The following TUSC3 variants were observed in gnomAD, a reference collection of about 807,000 sequenced individuals.
The protein encoded by TUSC3 is dolichyl-diphosphooligosaccharide--protein glycosyltransferase subunit TUSC3.
Under a neutral mutation model 44.8 loss-of-function variants are expected in TUSC3, and 45 were observed. That is an observed-to-expected ratio of 1.00 (90% CI 0.79 to 1.29). The LOEUF (loss-of-function observed/expected upper bound fraction) is 1.29. Ranked by LOEUF, TUSC3 falls within the 50% of genes most tolerant of loss-of-function variation. TUSC3 has a pLI of 0.00. For synonymous variants in TUSC3, 212 were observed against 152.9 expected, an observed-to-expected ratio of 1.39 and a Z score of -2.85; for missense variants, 519 against 437.9, an observed-to-expected ratio of 1.19 and a Z score of -1.65.
Position 15,623,215 on chromosome 8 carries a change from G to T in TUSC3, c.274G>T (p.Ala92Ser). The change falls in exon 2 of 11, where the codon GCT becomes TCT. Residue 92 changes from alanine (A) to serine (S), a missense_variant. Ala to Ser is a moderately conservative substitution (Grantham distance 99). Coordinates refer to ENST00000503731, the MANE Select transcript of TUSC3 (RefSeq NM_006765.4). ...RNYSMIVMFT[A>S]LQPQRQCSVC... ...CTATTCCATGATTGTTATGTTCACT[G>T]CTCTTCAGCCTCAGCGGCAGTGTTC... 1 of 1,611,616 alleles carries T rather than the reference G, an allele frequency of 6.2e-7. No individual in the cohort carries two copies. Among genetic ancestry groups the T allele is most frequent in the Non-Finnish European group, 8.5e-7 (1 of 1,178,846 alleles).
chr8:15,775,316 G>A, the TUSC3 span, among the ~76,000 whole-genome samples: 26 of 152,156 alleles, frequency 1.7e-4, no homozygotes, highest in Middle Eastern at 3.4e-3. Flanking sequence ...GGTAGGATGG[G>A]GAGTGACTAT....
chr8:15,652,876 G>C (rs1467027352), intron 3 of TUSC3, among the ~76,000 whole-genome samples: 1 of 152,022 alleles, frequency 6.6e-6, no homozygotes, highest in East Asian at 1.9e-4. Context: ...CAGGGAGTTG[G>C]GTTAGTTTAG....
chr8:15,598,752 A>C (rs546472107), intron 1 of TUSC3, among the ~76,000 whole-genome samples: 9 of 151,586 alleles, frequency 5.9e-5, no homozygotes, highest in African/African-American at 1.9e-4. Context: ...AGTTTTCTCT[A>C]TGTTTTTTCA....
the TUSC3 span, among the ~76,000 whole-genome samples, chr8:15,828,493 T>C: frequency 6.6e-6 from 1 of 152,200 alleles, no homozygotes; most frequent in South Asian, 2.1e-4. Context: ...ACAACTTCTC[T>C]AGTAGTTGAA....
intron 1 of TUSC3, among the ~76,000 whole-genome samples, chr8:15,600,685 G>A (rs1324003500): frequency 1.3e-5 from 2 of 151,632 alleles, no homozygotes; most frequent in African/African-American, 4.8e-5. Context: ...ATGAGGTACT[G>A]TTTTGCCATG....
intron 3 of TUSC3, among the ~76,000 whole-genome samples, chr8:15,658,849 C>G (rs1008461332): frequency 1.3e-5 from 2 of 151,844 alleles, no homozygotes; most frequent in Non-Finnish European, 2.9e-5. Flanking sequence ...TGGAAATTAC[C>G]TGTAGAAAAT....
intron 7 of TUSC3, 114 bp downstream of exon 7, chr8:15,730,843 G>A: frequency 1.0e-6 from 1 of 1,002,604 alleles, no homozygotes; most frequent in Non-Finnish European, 1.5e-6. Flanking sequence ...TTAAATTTTA[G>A]GCTGTACTAT....
the TUSC3 span, among the ~76,000 whole-genome samples, chr8:15,824,509 C>CA: frequency 6.9e-6 from 1 of 144,230 alleles, no homozygotes; most frequent in Non-Finnish European, 1.5e-5. Context: ...ATCGCAAGGA[C>CA]AAAAAACCAA....
intron 5 of TUSC3, among the ~76,000 whole-genome samples, chr8:15,664,935 G>C (rs116980073): frequency 0.014 from 2,043 of 151,092 alleles, 23 homozygotes; most frequent in Non-Finnish European, 0.023. Flanking sequence ...CACCAAACTT[G>C]ATTGTTGCTT....
chr8:15,728,063 T>A (rs368279886), intron 6 of TUSC3, among the ~76,000 whole-genome samples: 1 of 152,200 alleles, frequency 6.6e-6, no homozygotes, highest in East Asian at 1.9e-4. Context: ...AAAGTGTGAT[T>A]TATTTTAACC....
chr8:15,608,391 T>C (rs895878175), intron 1 of TUSC3, among the ~76,000 whole-genome samples: 2 of 152,160 alleles, frequency 1.3e-5, no homozygotes, highest in Non-Finnish European at 2.9e-5. Context: ...TAGGGATAAA[T>C]TGAACAATAG....
At chr8:15,823,843 A>C in the TUSC3 span, among the ~76,000 whole-genome samples, 2 of 152,192 alleles carry the variant, frequency 1.3e-5, no homozygotes, top group African/African-American at 4.8e-5. Context: ...AGCAGTAAAT[A>C]ACAAGAATTT....
At chr8:15,444,635 C>A (rs1800066908) in intron 1 of TUSC3, among the ~76,000 whole-genome samples, 1 of 152,006 alleles carries the variant, frequency 6.6e-6, no homozygotes, top group African/African-American at 2.4e-5. Flanking sequence ...CACAGAAGCC[C>A]CAAATCAGAG....
chr8:15,767,883 C>T (rs1585319300), downstream of TUSC3, among the ~76,000 whole-genome samples: 1 of 152,212 alleles, frequency 6.6e-6, no homozygotes, highest in East Asian at 1.9e-4. Flanking sequence ...GAAGGAAAAG[C>T]TGGATAGTGA....
At position 15,589,021 on chromosome 8, in the gene TUSC3, T is replaced by C. The variant is rs553398175; in HGVS notation, c.139-34059T>C. 3.3e-5 allele frequency among the ~76,000 whole-genome samples: 5 copies of C among 152,294 alleles called. No individual in the cohort carries two copies. The East Asian group carries it at 9.6e-4, about 29-fold the overall frequency. ...CCAGCTTTGTTCTTTTTGCTTAGGATTGTTTTGGTTATTCGGAGTGCAGTT... is the reference window on the plus strand; with the variant it reads ...CCAGCTTTGTTCTTTTTGCTTAGGACTGTTTTGGTTATTCGGAGTGCAGTT... On this transcript the variant is annotated intron_variant, in intron 1 of 10. Transcript: ENST00000503731.
chr8:15,826,967 G>C, the TUSC3 span, among the ~76,000 whole-genome samples: 1 of 152,166 alleles, frequency 6.6e-6, no homozygotes, highest in African/African-American at 2.4e-5. Flanking sequence ...GACTGAATTT[G>C]ATTGCTGCAG....
intron 1 of TUSC3, among the ~76,000 whole-genome samples, chr8:15,480,360 T>A (rs1431405953): frequency 1.3e-5 from 2 of 152,144 alleles, no homozygotes; most frequent in Non-Finnish European, 2.9e-5. Context: ...CCATAAACAT[T>A]TTCATGAACA....
chr8:15,509,552 G>C (rs1235293926), intron 2 of TUSC3, among the ~76,000 whole-genome samples: 2 of 152,048 alleles, frequency 1.3e-5, no homozygotes, highest in Non-Finnish European at 2.9e-5. Context: ...AGGTTGCAGT[G>C]AGCCGAGATT....
At chr8:15,850,455 T>C in the TUSC3 span, among the ~76,000 whole-genome samples, 1 of 152,210 alleles carries the variant, frequency 6.6e-6, no homozygotes, top group Non-Finnish European at 1.5e-5. Context: ...TCTGGTTATT[T>C]AACTCACAAG....
Sources: allele counts gnomAD v4.1 joint callset (sites outside exome capture counted in the v4.1 genomes callset), GRCh38; gene constraint gnomAD v4.1.1; transcripts MANE v1.5; gene names NCBI Gene and HGNC (gene_info 2026-07-23, HGNC 2026-07-21).